The following REPS2 variants were observed in gnomAD, a reference collection of about 807,000 sequenced individuals.
The protein encoded by REPS2 is RALBP1 associated Eps domain containing 2, also known as ralBP1-associated Eps domain-containing protein 2.
In REPS2, 23 loss-of-function variants were observed where a neutral mutation model predicts 53.6. The ratio of observed to expected loss-of-function variants is 0.43; its 90% CI spans 0.31 to 0.61. REPS2 has a LOEUF of 0.61. REPS2 is among the 20% of genes least tolerant of loss of function. The pLI is 0.11. For missense variants in REPS2, 446 were observed against 534.9 expected, an observed-to-expected ratio of 0.83 and a Z score of 1.64; for synonymous variants, 238 against 218.6, an observed-to-expected ratio of 1.09 and a Z score of -0.78.
intron 14 of REPS2, among the ~76,000 whole-genome samples, chrX:17,120,002 G>A (rs768066485): frequency 8.5e-5 from 9 of 106,468 alleles, no homozygotes; most frequent in South Asian, 4.3e-4. Flanking sequence ...TTAGCCTCCC[G>A]AGTAGCTGGG....
chrX:16,957,564 C>T (rs2060612255), intron 1 of REPS2, among the ~76,000 whole-genome samples: 1 of 111,675 alleles, frequency 9.0e-6, no homozygotes, highest in African/African-American at 3.3e-5. Context: ...GATATACCAA[C>T]AGTTTTTTGC....
chrX:17,070,007 AT>A lies in REPS2; in HGVS notation c.1333+19del. On this transcript the variant is annotated intron_variant, in intron 11 of 17. Transcript: ENST00000357277. ...CTGAGGATCCAGGTAGGAGAAAACC[AT>A]TTTTGTATACTTTATATATAATTAT... is the stretch of plus-strand genomic sequence containing the variant. 1.0e-6 allele frequency: 1 copy of A among 966,367 alleles called. No homozygotes were observed. The highest frequency in any genetic ancestry group is 1.4e-6 in the Non-Finnish European group (1 of 713,330). 79.6% of individuals were successfully genotyped at this position (966,367 alleles called of 1,213,427 possible). A position where few individuals can be genotyped will look rare whatever the true frequency, so the allele number is the denominator to read the frequency against.
At chrX:17,029,392 C>T in intron 4 of REPS2, 134 bp from the exon 5 acceptor site, 2 of 457,567 alleles carry the variant, frequency 4.4e-6, no homozygotes, top group Non-Finnish European at 7.6e-6. Context: ...GGTTGTCAGT[C>T]CTAGATGGCC....
intron 2 of REPS2, among the ~76,000 whole-genome samples, chrX:17,007,453 A>C (rs765721622): frequency 8.9e-6 from 1 of 112,176 alleles, no homozygotes; most frequent in Non-Finnish European, 1.9e-5. Context: ...TCAACCAGAC[A>C]GAGGTTCGTT....
At chrX:16,995,205 C>G (rs897783536) in intron 1 of REPS2, among the ~76,000 whole-genome samples, 1 of 112,282 alleles carries the variant, frequency 8.9e-6, no homozygotes, top group Non-Finnish European at 1.9e-5. Flanking sequence ...TGGGGCCTAA[C>G]TTGCATCTGT....
At position 17,077,237 on chromosome X, in the gene REPS2, A is replaced by G. The variant is rs773635134; in HGVS notation, c.1380-34A>G. 12 of 1,140,365 alleles carry G rather than the reference A, an allele frequency of 1.1e-5. No individual in the cohort carries two copies. In the East Asian group the frequency reaches 1.9e-4, roughly 18 times the overall value. The allele number at this position is 1,140,365 out of a possible 1,213,427, so 94.0% of individuals were successfully genotyped here. ...CAACTTCAGAGAGTAAAGCTTTGCT[A>G]TTTCGCTTCTGACCTTCCCTTATTT... On this transcript the variant is annotated intron_variant, in intron 12 of 17. Coordinates refer to ENST00000357277, the MANE Select transcript of REPS2 (RefSeq NM_004726.3).
rs1459534274 is a variant in REPS2 at position 17,055,779 on chromosome X, A to G, written c.1114+829A>G. On this transcript the variant is annotated intron_variant, in intron 8 of 17. Transcript: ENST00000357277. The stretch of plus-strand genomic sequence containing the variant: ...CGCATATTCTCACTCATAGGTGGGA[A>G]TTGAACAATGAGATCACTTGGACAC... 9.1e-5 allele frequency among the ~76,000 whole-genome samples: 8 copies of G among 87,619 alleles called. No individual in the cohort carries two copies. The East Asian group carries it at 2.7e-3, about 30-fold the overall frequency. The allele number at this position is 87,619 out of a possible 115,157, so 76.1% of individuals were successfully genotyped here.
chrX:17,010,702 A>G (rs1602665476), intron 2 of REPS2, among the ~76,000 whole-genome samples: 2 of 111,496 alleles, frequency 1.8e-5, no homozygotes, highest in East Asian at 5.6e-4. Context: ...GAAGAGGTGC[A>G]TGTCTACGCA....
chrX:17,033,256 C>T (rs759704335), intron 5 of REPS2, among the ~76,000 whole-genome samples: 1 of 111,457 alleles, frequency 9.0e-6, no homozygotes, highest in Non-Finnish European at 1.9e-5. Flanking sequence ...TGCCTGCTCT[C>T]CTGGTTTTCC....
intron 14 of REPS2, among the ~76,000 whole-genome samples, chrX:17,104,579 G>A (rs2062849032): frequency 9.0e-6 from 1 of 111,496 alleles, no homozygotes. Context: ...TCCATACGGG[G>A]ACATCTCAGG....
intron 8 of REPS2, among the ~76,000 whole-genome samples, chrX:17,060,212 A>C (rs2062139740): frequency 9.0e-6 from 1 of 110,833 alleles, no homozygotes; most frequent in Non-Finnish European, 1.9e-5. Context: ...CTGAGGCAGG[A>C]GAATTGCTTG....
At chrX:17,145,063 G>A (rs756548336) in intron 17 of REPS2, among the ~76,000 whole-genome samples, 1 of 111,914 alleles carries the variant, frequency 8.9e-6, no homozygotes, top group African/African-American at 3.2e-5. Flanking sequence ...TATTTTCCTG[G>A]ATTTCCTAAG....
At chrX:16,996,741 A>G (rs760373363) in intron 1 of REPS2, among the ~76,000 whole-genome samples, 1 of 112,111 alleles carries the variant, frequency 8.9e-6, no homozygotes, top group African/African-American at 3.2e-5. Flanking sequence ...ACTTCCATTC[A>G]CATTCATTCC....
At chrX:17,012,697 G>A (rs1433335814) in intron 2 of REPS2, among the ~76,000 whole-genome samples, 1 of 111,190 alleles carries the variant, frequency 9.0e-6, no homozygotes, top group Non-Finnish European at 1.9e-5. Flanking sequence ...TTGCAGTCTG[G>A]CACAGTTTAG....
intron 1 of REPS2, among the ~76,000 whole-genome samples, chrX:16,951,550 CACACA>C (rs1569083745): frequency 5.0e-4 from 16 of 32,008 alleles, no homozygotes; most frequent in East Asian, 3.2e-3. Flanking sequence ...CACACACACA[CACACA>C]CACACCCCCG....
chrX:17,040,375 G>A (rs751715187), intron 5 of REPS2, among the ~76,000 whole-genome samples: 9 of 112,241 alleles, frequency 8.0e-5, no homozygotes, highest in Non-Finnish European at 1.7e-4. Context: ...TCTGTCTCTA[G>A]ACTGGGATTG....
chrX:16,966,926 T>C (rs181336426), intron 1 of REPS2, among the ~76,000 whole-genome samples: 264 of 112,441 alleles, frequency 2.3e-3, no homozygotes, highest in African/African-American at 8.3e-3. Context: ...TGAGGCGTAC[T>C]TGTTAGCATG....
At chrX:16,985,727 T>C (rs941790606) in intron 1 of REPS2, among the ~76,000 whole-genome samples, 1 of 112,243 alleles carries the variant, frequency 8.9e-6, no homozygotes, top group Non-Finnish European at 1.9e-5. Flanking sequence ...CTGTCCAGTG[T>C]AGATACCCAG....
chrX:17,085,173 T>C (rs1042350180), intron 13 of REPS2, among the ~76,000 whole-genome samples: 1 of 112,323 alleles, frequency 8.9e-6, no homozygotes, highest in African/African-American at 3.2e-5. Context: ...TTGTTGAAAA[T>C]CAATTAACCA....
Sources: allele counts gnomAD v4.1 joint callset (sites outside exome capture counted in the v4.1 genomes callset), GRCh38; gene constraint gnomAD v4.1.1; transcripts MANE v1.5; gene names NCBI Gene and HGNC (gene_info 2026-07-23, HGNC 2026-07-21).